The following RIMKLB variants were observed in gnomAD, a reference collection of about 807,000 sequenced individuals.
RIMKLB encodes ribosomal modification protein rimK like family member B.
Under a neutral mutation model 32.0 loss-of-function variants are expected in RIMKLB, and 7 were observed. That is an observed-to-expected ratio of 0.22 (90% CI 0.12 to 0.41). The LOEUF is 0.41. Ranked by LOEUF, RIMKLB falls within the 10% of genes least tolerant of loss-of-function variation. RIMKLB has a pLI of 1.00. For missense variants in RIMKLB, 289 were observed against 498.7 expected (o/e 0.58, Z 4.00); for synonymous variants, 172 against 185.1 (o/e 0.93, Z 0.57).
At chr12:8,781,229 T>C (rs1951014005), downstream of RIMKLB, among the ~76,000 whole-genome samples, 1 of 152,098 alleles carries the variant, frequency 6.6e-6, no homozygotes, top group Non-Finnish European at 1.5e-5. Flanking sequence ...TAATCCCAGC[T>C]ACGCGGGAGG....
intron 5 of RIMKLB, among the ~76,000 whole-genome samples, chr12:8,756,247 G>GCCTTAAC: frequency 6.6e-6 from 1 of 152,082 alleles, no homozygotes; most frequent in African/African-American, 2.4e-5. Context: ...CTTGAGCCTG[G>GCCTTAAC]GCGGTCGAGG....
At position 8,725,518 on chromosome 12, in the gene RIMKLB, A is replaced by G. The variant is rs189900798; in HGVS notation, c.175+11477A>G. Among the ~76,000 whole-genome samples, 102 of 152,170 alleles carry G rather than the reference A, an allele frequency of 6.7e-4. 2 individuals carry two copies. The Middle Eastern group carries it at 0.014, about 20-fold the overall frequency. The stretch of plus-strand genomic sequence containing the variant: ...GTCTCACCTGACGTCAGGATGCTCT[A>G]CTTTCAAGTCATCCTAGAGTTGCAT... On this transcript the variant is annotated intron_variant, in intron 2 of 5. Transcript: ENST00000535829.
chr12:8,752,709 A>G (rs1196028000), intron 4 of RIMKLB, among the ~76,000 whole-genome samples: 3 of 152,076 alleles, frequency 2.0e-5, no homozygotes, highest in Non-Finnish European at 2.9e-5. Context: ...AAGGTAGTTT[A>G]GGTAGGTTGT....
intron 1 of RIMKLB, among the ~76,000 whole-genome samples, chr12:8,685,091 C>A (rs917171405): frequency 6.6e-6 from 1 of 152,158 alleles, no homozygotes; most frequent in Non-Finnish European, 1.5e-5. Context: ...CATCTGCGAA[C>A]AGAGTTTTAT....
chr12:8,709,765 A>G (rs1163364274), intron 1 of RIMKLB, among the ~76,000 whole-genome samples: 1 of 152,244 alleles, frequency 6.6e-6, no homozygotes, highest in African/African-American at 2.4e-5. Context: ...CCGCATTCAT[A>G]TAACTTTTAT....
At chr12:8,749,614 C>T (rs1948450692) in intron 2 of RIMKLB, among the ~76,000 whole-genome samples, 1 of 152,198 alleles carries the variant, frequency 6.6e-6, no homozygotes, top group South Asian at 2.1e-4. Flanking sequence ...CATCTCTGAA[C>T]ATATATGTTT....
intron 2 of RIMKLB, among the ~76,000 whole-genome samples, chr12:8,725,107 T>G (rs756737850): frequency 4.6e-5 from 7 of 152,176 alleles, no homozygotes; most frequent in South Asian, 2.1e-4. Flanking sequence ...TTCACCAGCT[T>G]GCTAACATCC....
At chr12:8,768,584 A>G (rs1950160392) in intron 5 of RIMKLB, among the ~76,000 whole-genome samples, 1 of 152,228 alleles carries the variant, frequency 6.6e-6, no homozygotes, top group South Asian at 2.1e-4. Flanking sequence ...GGGAGTTTTC[A>G]GTCTTTTCCT....
Position 8,774,606 on chromosome 12 carries a change from C to T in RIMKLB, c.*822C>T, listed in dbSNP as rs1216705083. On this transcript the variant is annotated 3_prime_UTR_variant, in exon 6 of 6. Transcript: ENST00000535829. Reference sequence around the variant, plus strand: ...TTTTTTTTAATACATGCTAGTCTAACATTTCCTGCTCTATGCCTGCATCTT... The same window carrying T: ...TTTTTTTTAATACATGCTAGTCTAATATTTCCTGCTCTATGCCTGCATCTT... 2 of 888,298 alleles carry T rather than the reference C, an allele frequency of 2.3e-6. No homozygotes were observed. The highest frequency in any genetic ancestry group is 3.7e-5 in the African/African-American group (2 of 53,466). The allele number at this position is 888,298 out of a possible 1,614,324, so 55.0% of individuals were successfully genotyped here.
At chr12:8,761,928 G>C (rs1949559160) in intron 5 of RIMKLB, among the ~76,000 whole-genome samples, 1 of 152,138 alleles carries the variant, frequency 6.6e-6, no homozygotes, top group African/African-American at 2.4e-5. Context: ...GTCTGCGGTA[G>C]ATCTTAGTCA....
upstream of RIMKLB, among the ~76,000 whole-genome samples, chr12:8,696,671 G>C (rs1262780911): frequency 6.6e-6 from 1 of 152,054 alleles, no homozygotes; most frequent in Non-Finnish European, 1.5e-5. Context: ...AATCCGGGCA[G>C]TCTGGATCCA....
At position 8,774,924 on chromosome 12, in the gene RIMKLB, C is replaced by A. The variant is rs9783460; in HGVS notation, c.*1140C>A. On this transcript the variant is annotated 3_prime_UTR_variant, in exon 6 of 6. Coordinates refer to ENST00000535829, the MANE Select transcript of RIMKLB (RefSeq NM_001297776.2). ...TGTGTATGTGTTTTGCTTTTTGTTT[C>A]CATCAACTAATCAAAAAGGATAATT... The A allele has an allele frequency of 7.2e-3, 7,131 of 985,594 alleles. 401 individuals are homozygous for A. In the African/African-American group the frequency reaches 0.11, roughly 16 times the overall value. 61.1% of individuals were successfully genotyped at this position (985,594 alleles called of 1,614,324 possible). A position where few individuals can be genotyped will look rare whatever the true frequency, so the allele number is the denominator to read the frequency against.
At chr12:8,714,090 T>TG (rs1171805341) in intron 2 of RIMKLB, 49 bp downstream of exon 2, 1 of 1,475,250 alleles carries the variant, frequency 6.8e-7, no homozygotes, top group Non-Finnish European at 9.4e-7. Context: ...TAGAATATGA[T>TG]GAATCTGCAT....
At chr12:8,702,091 CTT>C (rs2136712969) in intron 1 of RIMKLB, among the ~76,000 whole-genome samples, 1 of 151,858 alleles carries the variant, frequency 6.6e-6, no homozygotes, top group Admixed American at 6.5e-5. Context: ...TTGATACTCT[CTT>C]ACAATTTGAT....
chr12:8,766,060 C>T (rs1949932121), intron 5 of RIMKLB, among the ~76,000 whole-genome samples: 1 of 151,990 alleles, frequency 6.6e-6, no homozygotes, highest in African/African-American at 2.4e-5. Context: ...GGTCCCAATT[C>T]TCCAAAGTAC....
At chr12:8,684,608 A>C (rs1367574037) in intron 1 of RIMKLB, among the ~76,000 whole-genome samples, 2 of 148,474 alleles carry the variant, frequency 1.3e-5, no homozygotes, top group African/African-American at 5.0e-5. Flanking sequence ...TCTTTTTTTC[A>C]TGTAAATGTC....
the RIMKLB span, among the ~76,000 whole-genome samples, chr12:8,675,149 C>T: frequency 1.3e-5 from 2 of 152,218 alleles, no homozygotes; most frequent in African/African-American, 4.8e-5. Flanking sequence ...GCGTAAGCCA[C>T]CACACCTGGC....
chr12:8,772,630 C>A (rs1950503588), intron 5 of RIMKLB, among the ~76,000 whole-genome samples: 1 of 152,166 alleles, frequency 6.6e-6, no homozygotes, highest in South Asian at 2.1e-4. Context: ...TACTTCTGGC[C>A]TTTTTGGGGT....
intron 1 of RIMKLB, among the ~76,000 whole-genome samples, chr12:8,698,662 C>T (rs1371420313): frequency 6.6e-6 from 1 of 152,052 alleles, no homozygotes; most frequent in Admixed American, 6.5e-5. Flanking sequence ...GGAGTCGGAC[C>T]CGCGGGCTGC....
Sources: gnomAD v4.1 joint callset for allele counts (sites outside exome capture counted in the v4.1 genomes callset) on GRCh38, gnomAD v4.1.1 for gene constraint, MANE v1.5 for transcripts, NCBI Gene and HGNC (gene_info 2026-07-23, HGNC 2026-07-21) for gene names.